The following ASCC3 variants were observed in gnomAD, a reference collection of about 807,000 sequenced individuals.
ASCC3 encodes ASC-1 complex subunit P200.
Under a neutral mutation model 256.3 loss-of-function variants are expected in ASCC3, and 158 were observed. The observed-to-expected ratio is 0.62, with a 90% confidence interval of 0.54 to 0.70. ASCC3 has a LOEUF of 0.70. ASCC3 is among the 30% of genes least tolerant of loss of function. The probability of loss-of-function intolerance (pLI) is 0.00; values close to 1 mark genes in which losing one functional copy is unlikely to be tolerated. For missense variants in ASCC3, 2,259 were observed against 2,626.0 expected, an observed-to-expected ratio of 0.86 and a Z score of 3.05; for synonymous variants, 948 against 883.4, an observed-to-expected ratio of 1.07 and a Z score of -1.30.
chr6:100,694,843 T>C (rs921649707), intron 13 of ASCC3, among the ~76,000 whole-genome samples: 3 of 152,078 alleles, frequency 2.0e-5, no homozygotes, highest in African/African-American at 4.8e-5. Flanking sequence ...AAGGAAATGA[T>C]GGAGTTAGAA....
intron 22 of ASCC3, 84 bp downstream of exon 22, chr6:100,646,531 C>A (rs1775386870): frequency 7.2e-7 from 1 of 1,397,578 alleles, no homozygotes; most frequent in Non-Finnish European, 9.9e-7. Flanking sequence ...AGAGGATTTT[C>A]TATATGCCTT....
intron 37 of ASCC3, among the ~76,000 whole-genome samples, chr6:100,522,001 T>C (rs1774336510): frequency 6.6e-6 from 1 of 152,158 alleles, no homozygotes; most frequent in African/African-American, 2.4e-5. Flanking sequence ...CCAAAGTCCT[T>C]TTTAGGGATC....
intron 34 of ASCC3, among the ~76,000 whole-genome samples, chr6:100,593,677 A>C (rs1345859829): frequency 6.6e-6 from 1 of 152,088 alleles, no homozygotes; most frequent in Non-Finnish European, 1.5e-5. Context: ...TATAACTGTC[A>C]GTAGTGGGAA....
Position 100,773,556 on chromosome 6 carries a change from T to C in ASCC3, c.1396-6211A>G, listed in dbSNP as rs571942435. On this transcript the variant is annotated intron_variant, in intron 8 of 41. Coordinates refer to ENST00000369162, the MANE Select transcript of ASCC3 (RefSeq NM_006828.4). ...TTTTAGAAGATTTAAGGAACTACCG[T>C]AGCTTCTCTCAACAACTAGACACTC... is the stretch of plus-strand genomic sequence containing the variant. Among the ~76,000 whole-genome samples the C allele has an allele frequency of 1.4e-4, 21 of 152,314 alleles. No individual in the cohort carries two copies. In the South Asian group the frequency reaches 4.1e-3, roughly 30 times the overall value.
chr6:100,722,312 T>C (rs1282750629), intron 11 of ASCC3, among the ~76,000 whole-genome samples: 1 of 151,838 alleles, frequency 6.6e-6, no homozygotes, highest in Non-Finnish European at 1.5e-5. Context: ...ACTTTGGCTA[T>C]TTGGGCTCTT....
intron 36 of ASCC3, among the ~76,000 whole-genome samples, chr6:100,583,549 C>A (rs1771444743): frequency 6.6e-6 from 1 of 152,082 alleles, no homozygotes; most frequent in African/African-American, 2.4e-5. Flanking sequence ...CTCCTGAATT[C>A]ATTAATTTTT....
chr6:100,600,730 CTG>C (rs1441355086), intron 34 of ASCC3, among the ~76,000 whole-genome samples: 3 of 152,130 alleles, frequency 2.0e-5, no homozygotes, highest in Admixed American at 2.0e-4. Context: ...TCCATTCACT[CTG>C]TATCTAAGGT....
chr6:100,676,075 G>A (rs189842322), intron 14 of ASCC3, among the ~76,000 whole-genome samples: 1 of 152,062 alleles, frequency 6.6e-6, no homozygotes, highest in East Asian at 1.9e-4. Context: ...GAAAACAGTG[G>A]TTTCTTAAGA....
At chr6:100,839,359 A>G (rs375349206) in intron 4 of ASCC3, among the ~76,000 whole-genome samples, 14 of 152,186 alleles carry the variant, frequency 9.2e-5, no homozygotes, top group African/African-American at 3.1e-4. Context: ...CAAACAGAGT[A>G]GTATGAAATT....
chr6:100,854,111 A>T (rs921605025), intron 3 of ASCC3, among the ~76,000 whole-genome samples: 23 of 151,908 alleles, frequency 1.5e-4, no homozygotes, highest in Admixed American at 2.6e-4. Context: ...TCAGATACAA[A>T]CAGATTACAT....
At chr6:100,532,427 T>A (rs867204067) in intron 37 of ASCC3, among the ~76,000 whole-genome samples, 2,093 of 122,890 alleles carry the variant, frequency 0.017, 56 homozygotes, top group East Asian at 0.054. Context: ...TTTTTTTTTT[T>A]AAATTACAAA....
At chr6:100,549,940 A>G (rs1025888767) in intron 36 of ASCC3, among the ~76,000 whole-genome samples, 3 of 151,824 alleles carry the variant, frequency 2.0e-5, no homozygotes, top group African/African-American at 7.2e-5. Context: ...CATTCCAGGC[A>G]AAGAAAATAG....
chr6:100,537,400 G>T (rs926618738), intron 37 of ASCC3, among the ~76,000 whole-genome samples: 10 of 152,054 alleles, frequency 6.6e-5, no homozygotes, highest in Non-Finnish European at 1.3e-4. Context: ...GAAGACTAAG[G>T]CGACATGACA....
chr6:100,773,777 C>A (rs930526735), intron 8 of ASCC3, among the ~76,000 whole-genome samples: 1 of 152,066 alleles, frequency 6.6e-6, no homozygotes, highest in Non-Finnish European at 1.5e-5. Context: ...TGATTTTATG[C>A]TGGCTACTTG....
chr6:100,857,729 CTGTA>C (rs1773019506), intron 3 of ASCC3: 1 of 152,010 alleles, frequency 6.6e-6, no homozygotes, highest in African/African-American at 2.4e-5. Context: ...CAACACCACA[CTGTA>C]TACTTATCTT....
At chr6:100,663,645 A>C (rs151640) in intron 14 of ASCC3, among the ~76,000 whole-genome samples, 78,604 of 151,798 alleles carry the variant, frequency 0.52, 20,565 homozygotes, top group East Asian at 0.68. Context: ...TTTCAACTTA[A>C]GGGAATAAAA....
chr6:100,695,412 C>T (rs1778036545), intron 13 of ASCC3, among the ~76,000 whole-genome samples: 1 of 152,112 alleles, frequency 6.6e-6, no homozygotes, highest in Non-Finnish European at 1.5e-5. Context: ...CTGTGTGTCC[C>T]TTCCAGACAC....
chr6:100,573,720 C>T (rs765896608), intron 36 of ASCC3, among the ~76,000 whole-genome samples: 2 of 151,802 alleles, frequency 1.3e-5, no homozygotes, highest in Non-Finnish European at 2.9e-5. Flanking sequence ...GACTTACTAC[C>T]GATAATTAAA....
In ASCC3 at chr6:100,650,695, T is replaced by C; in HGVS notation, c.3095A>G (p.Glu1032Gly). Residue 1032 changes from glutamate to glycine, a missense_variant, in exon 20 of 42, where the codon GAG (glutamate) becomes GGG (glycine). By Grantham distance (98) the Glu-to-Gly change is moderately conservative. Coordinates refer to ENST00000369162, the MANE Select transcript of ASCC3 (RefSeq NM_006828.4). Reference sequence around the variant, plus strand: ...ATTGCTTAATAAGGTATCTAACTCCTCTATTTCCTCTTCTCTGACCTAGAA... The same window carrying C: ...ATTGCTTAATAAGGTATCTAACTCCCCTATTTCCTCTTCTCTGACCTAGAA... ...DQIKVREEEI[E>G]ELDTLLSNFC... The C allele has an allele frequency of 6.2e-7, 1 of 1,610,904 alleles. No homozygotes were observed. The highest frequency in any genetic ancestry group is 8.5e-7 in the Non-Finnish European group (1 of 1,177,636).
Sources: gnomAD v4.1 joint callset for allele counts (sites outside exome capture counted in the v4.1 genomes callset) on GRCh38, gnomAD v4.1.1 for gene constraint, MANE v1.5 for transcripts, NCBI Gene and HGNC (gene_info 2026-07-23, HGNC 2026-07-21) for gene names.